The following ELSPBP1 variants were observed in gnomAD, a reference collection of about 807,000 sequenced individuals.
The protein encoded by ELSPBP1 is epididymal sperm binding protein 1, also known as epididymal sperm-binding protein 1.
ELSPBP1 carries 38 observed loss-of-function variants against 33.3 expected under a neutral mutation model. That is an observed-to-expected ratio of 1.14 (90% CI 0.88 to 1.50). The LOEUF is 1.50. Among genes scored for constraint, ELSPBP1 ranks in the 40% most tolerant of loss-of-function variants. ELSPBP1 has a pLI of 0.00. For synonymous variants in ELSPBP1, 85 were observed against 94.1 expected (o/e 0.90, Z 0.56); for missense variants, 267 against 263.5 (o/e 1.01, Z -0.09).
At chr19:48,015,113 T>C (rs891694655) in intron 3 of ELSPBP1, among the ~76,000 whole-genome samples, 2 of 152,150 alleles carry the variant, frequency 1.3e-5, no homozygotes, top group Non-Finnish European at 2.9e-5. Flanking sequence ...ATATACCGTA[T>C]CTCATAATAA....
At chr19:48,004,408 C>G (rs1966996984) in intron 1 of ELSPBP1, among the ~76,000 whole-genome samples, 1 of 152,178 alleles carries the variant, frequency 6.6e-6, no homozygotes, top group Admixed American at 6.5e-5. Context: ...TCCTCCTGCT[C>G]AGCCTCCCAA....
At chr19:48,017,893 T>C (rs1967158591) in intron 4 of ELSPBP1, among the ~76,000 whole-genome samples, 2 of 80,680 alleles carry the variant, frequency 2.5e-5, no homozygotes, top group Admixed American at 1.7e-4. Flanking sequence ...TGAGATCTTG[T>C]CTCAAAAAAA....
At chr19:48,002,652 C>T (rs1600101580) in intron 1 of ELSPBP1, among the ~76,000 whole-genome samples, 1 of 152,118 alleles carries the variant, frequency 6.6e-6, no homozygotes, top group Non-Finnish European at 1.5e-5. Context: ...AATAGCTGAG[C>T]GTGATGGCTC....
intron 1 of ELSPBP1, among the ~76,000 whole-genome samples, chr19:47,999,591 T>C (rs1189840561): frequency 1.3e-5 from 2 of 152,072 alleles, no homozygotes; most frequent in African/African-American, 4.8e-5. Flanking sequence ...GTTCAACATG[T>C]TGGCCAGGCT....
Position 48,011,600 on chromosome 19 carries a change from GATT to G in ELSPBP1, c.71-2568_71-2566del, listed in dbSNP as rs1277962018. Among the ~76,000 whole-genome samples the G allele has an allele frequency of 6.9e-6, 1 of 145,064 alleles. No homozygotes were observed. The highest frequency in any genetic ancestry group is 2.6e-5 in the African/African-American group (1 of 38,644). ...ACATGATAATGACAATAATGAGGTG[GATT>G]ATGATGACAATGATGATGACAACGA... On this transcript the variant is annotated intron_variant, in intron 2 of 6. Transcript: ENST00000339841. The surrounding 1 kb of genome is among the most constrained non-coding windows in gnomAD (Gnocchi z 4.5).
intron 2 of ELSPBP1, among the ~76,000 whole-genome samples, chr19:48,013,819 T>C (rs948782059): frequency 2.6e-5 from 4 of 152,074 alleles, no homozygotes; most frequent in Non-Finnish European, 1.5e-5. Context: ...GGCTGAGAAG[T>C]CCAAGGGCAA....
intron 4 of ELSPBP1, among the ~76,000 whole-genome samples, chr19:48,017,358 T>G (rs993170909): frequency 2.6e-5 from 4 of 152,240 alleles, no homozygotes; most frequent in African/African-American, 9.6e-5. Flanking sequence ...CCATTTGTGT[T>G]CTTTACTATA....
chr19:48,017,318 C>G (rs1421262772), intron 4 of ELSPBP1, among the ~76,000 whole-genome samples: 1 of 152,154 alleles, frequency 6.6e-6, no homozygotes, highest in Non-Finnish European at 1.5e-5. Flanking sequence ...TCCATCTAAA[C>G]CTTAATTTTA....
At chr19:48,016,883 G>A (rs1330813760) in intron 4 of ELSPBP1, among the ~76,000 whole-genome samples, 2 of 152,094 alleles carry the variant, frequency 1.3e-5, no homozygotes, top group Non-Finnish European at 2.9e-5. Flanking sequence ...ACAGGCATGA[G>A]GCACTGTGCC....
intron 6 of ELSPBP1, among the ~76,000 whole-genome samples, chr19:48,023,034 A>C (rs1967219425): frequency 6.6e-6 from 1 of 151,844 alleles, no homozygotes; most frequent in Non-Finnish European, 1.5e-5. Flanking sequence ...ACAGAGTGAG[A>C]CCTTGTCTAA....
intron 1 of ELSPBP1, among the ~76,000 whole-genome samples, chr19:48,006,487 G>T (rs773535604): frequency 6.6e-6 from 1 of 151,892 alleles, no homozygotes; most frequent in East Asian, 1.9e-4. Flanking sequence ...GGTGGCACGT[G>T]CCTGTAATCC....
chr19:48,016,137 C>G (rs1967130332), intron 4 of ELSPBP1, 98 bp downstream of exon 4: 1 of 1,422,258 alleles, frequency 7.0e-7, no homozygotes. Flanking sequence ...GACCAGAGCA[C>G]CCAGGGGGAA....
chr19:47,994,918 C>T (rs1323725829), intron 1 of ELSPBP1, 107 bp downstream of exon 1: 2 of 152,078 alleles, frequency 1.3e-5, no homozygotes, highest in African/African-American at 2.4e-5. Flanking sequence ...AAATATAATA[C>T]GAGCCACATA....
chr19:48,020,382 A>G (rs1028107617), intron 5 of ELSPBP1, among the ~76,000 whole-genome samples: 2 of 152,154 alleles, frequency 1.3e-5, no homozygotes, highest in African/African-American at 4.8e-5. Flanking sequence ...GGAAAACATA[A>G]TACTATACTG....
At chr19:48,013,689 C>T (rs1275130726) in intron 2 of ELSPBP1, among the ~76,000 whole-genome samples, 15 of 150,940 alleles carry the variant, frequency 9.9e-5, no homozygotes. Flanking sequence ...TGCACTCCAG[C>T]CTGGGTGACA....
intron 6 of ELSPBP1, among the ~76,000 whole-genome samples, chr19:48,023,498 A>AGGGAGGGAGGGAG (rs1967232461): frequency 1.1e-5 from 1 of 88,956 alleles, no homozygotes; most frequent in African/African-American, 3.4e-5. Context: ...GAGGGAGGGA[A>AGGGAGGGAGGGAG]GGAAAAGAGG....
chr19:47,996,661 G>A (rs779780477), intron 1 of ELSPBP1, among the ~76,000 whole-genome samples: 14 of 152,060 alleles, frequency 9.2e-5, no homozygotes, highest in Non-Finnish European at 1.6e-4. Flanking sequence ...GTGGATGGAT[G>A]GATGATGAAA....
chr19:48,002,590 A>T (rs1966978489), intron 1 of ELSPBP1, among the ~76,000 whole-genome samples: 1 of 152,240 alleles, frequency 6.6e-6, no homozygotes, highest in African/African-American at 2.4e-5. Context: ...CAGGAGTTCA[A>T]AACCAACCTG....
In ELSPBP1 at chr19:48,011,535, A is replaced by AATGATGACAATGATG. The variant is rs1967079408; in HGVS notation, c.71-2618_71-2604dup. On this transcript the variant is annotated intron_variant, in intron 2 of 6. Coordinates refer to ENST00000339841, the MANE Select transcript of ELSPBP1 (RefSeq NM_022142.5). The surrounding 1 kb of genome is among the most constrained non-coding windows in gnomAD (Gnocchi z 4.5). Reference sequence around the variant, plus strand: ...GACAATGATGATGACAATGACTGATAATGATGACAATGATGATGATGACAA... The same window carrying AATGATGACAATGATG: ...GACAATGATGATGACAATGACTGATAATGATGACAATGATGATGATGACAATGATGATGATGACAA... 6.6e-6 allele frequency among the ~76,000 whole-genome samples: 1 copy of AATGATGACAATGATG among 151,694 alleles called. No homozygotes were observed. The highest frequency in any genetic ancestry group is 1.5e-5 in the Non-Finnish European group (1 of 67,954).
Sources: gnomAD v4.1 joint callset for allele counts (sites outside exome capture counted in the v4.1 genomes callset) on GRCh38, gnomAD v4.1.1 for gene constraint, Gnocchi (gnomAD v3.1) non-coding constraint, MANE v1.5 for transcripts, NCBI Gene and HGNC (gene_info 2026-07-23, HGNC 2026-07-21) for gene names.